The following FBXO31 variants were observed in gnomAD, a reference collection of about 807,000 sequenced individuals.
The protein encoded by FBXO31 is F-box protein 31, also known as F-box only protein 31.
A neutral mutation model predicts 54.4 loss-of-function variants in FBXO31; 24 were observed. The observed-to-expected ratio is 0.44, with a 90% CI of 0.32 to 0.62. FBXO31 has a LOEUF of 0.62. Ranked by LOEUF, FBXO31 falls within the 20% of genes least tolerant of loss-of-function variation. The pLI is 0.05. For missense variants in FBXO31, 665 were observed against 787.1 expected (o/e 0.84, Z 1.86); for synonymous variants, 388 against 335.6 (o/e 1.16, Z -1.71).
intron 2 of FBXO31, among the ~76,000 whole-genome samples, chr16:87,353,155 G>A (rs1597368643): frequency 6.6e-6 from 1 of 152,148 alleles, no homozygotes; most frequent in Admixed American, 6.5e-5. Flanking sequence ...TCCAGCTTCC[G>A]AGGCTGCTGC....
intron 5 of FBXO31, 109 bp downstream of exon 5, chr16:87,342,768 C>T (rs1905232625): frequency 1.2e-6 from 1 of 850,634 alleles, no homozygotes; most frequent in Non-Finnish European, 1.8e-6. Context: ...GAAACAGCCA[C>T]CATGCAGGTC....
intron 1 of FBXO31, among the ~76,000 whole-genome samples, chr16:87,366,426 G>A (rs909324534): frequency 2.0e-5 from 3 of 152,172 alleles, no homozygotes; most frequent in African/African-American, 7.2e-5. Context: ...CGGCTGTGGT[G>A]GCAAGGGCCC....
chr16:87,346,447 T>G lies in FBXO31; in HGVS notation c.489+727A>C, dbSNP rs1381693716. Among the ~76,000 whole-genome samples the G allele has an allele frequency of 6.6e-6, 1 of 152,122 alleles. No homozygotes were observed. Among genetic ancestry groups the G allele is most frequent in the Non-Finnish European group, 1.5e-5 (1 of 68,012 alleles). On this transcript the variant is annotated intron_variant, in intron 3 of 8. Coordinates refer to ENST00000311635, the MANE Select transcript of FBXO31 (RefSeq NM_024735.5). The surrounding 1 kb of genome is among the most constrained non-coding windows in gnomAD (Gnocchi z 4.2). Reference sequence around the variant, plus strand: ...GGAAAACTTCACCGAAAAACGGGAATTTAATAAAAAAGAAAGCCAGACTTC... The same window carrying G: ...GGAAAACTTCACCGAAAAACGGGAAGTTAATAAAAAAGAAAGCCAGACTTC...
chr16:87,336,530 G>T lies in FBXO31; in HGVS notation c.733-266C>A, dbSNP rs1004596165. Among the ~76,000 whole-genome samples, 1 of 152,206 alleles carries T rather than the reference G, an allele frequency of 6.6e-6. No individual in the cohort carries two copies. The highest frequency in any genetic ancestry group is 2.4e-5 in the African/African-American group (1 of 41,460). On this transcript the variant is annotated intron_variant, in intron 5 of 8. Transcript: ENST00000311635. This position sits in a 1 kb window ranked among gnomAD's most constrained non-coding sequence, Gnocchi z 6.5. The stretch of plus-strand genomic sequence containing the variant: ...GGTCGGAGGCAGCAGGGGCTACAGG[G>T]AGCCCAGGTGAGGCGGGGGCCACAG...
At position 87,346,201 on chromosome 16, in the gene FBXO31, C is replaced by T. The variant is rs892009593; in HGVS notation, c.489+973G>A. 5.9e-5 allele frequency among the ~76,000 whole-genome samples: 9 copies of T among 152,094 alleles called. No homozygotes were observed. Among genetic ancestry groups the T allele is most frequent in the African/African-American group, 1.9e-4 (8 of 41,416 alleles). On this transcript the variant is annotated intron_variant, in intron 3 of 8. Coordinates refer to ENST00000311635, the MANE Select transcript of FBXO31 (RefSeq NM_024735.5). The surrounding 1 kb of genome is among the most constrained non-coding windows in gnomAD (Gnocchi z 4.2). Reference sequence around the variant, plus strand: ...GACGCTTCCCCAAGCCTGAGACGCGCGCATACCCCGGGCCTGCGCAGAGCA... The same window carrying T: ...GACGCTTCCCCAAGCCTGAGACGCGTGCATACCCCGGGCCTGCGCAGAGCA...
At chr16:87,389,741 T>C (rs1045538123) in exon 1 of FBXO31, 2 of 151,880 alleles carry the variant, frequency 1.3e-5, no homozygotes, top group African/African-American at 4.8e-5. Flanking sequence ...GCTTACCGGA[T>C]TTTTTTTTCT....
chr16:87,387,909 T>A (rs1323127988), upstream of FBXO31, among the ~76,000 whole-genome samples: 1 of 152,134 alleles, frequency 6.6e-6, no homozygotes, highest in Non-Finnish European at 1.5e-5. Context: ...TCAAAAGAAC[T>A]AGTCACACTA....
At position 87,329,728 on chromosome 16, in the gene FBXO31, C is replaced by T. The variant is rs951310423; in HGVS notation, c.*1560G>A. On this transcript the variant is annotated 3_prime_UTR_variant, in exon 9 of 9. Transcript: ENST00000311635. ...TCCCGCTGCTGCCGCCCTGGAAGGG[C>T]GCTTTCTCCACTGGCTTTTCTCGTG... 1.3e-5 allele frequency: 2 copies of T among 152,254 alleles called. No homozygotes were observed. The highest frequency in any genetic ancestry group is 2.4e-5 in the African/African-American group (1 of 41,476). The allele number at this position is 152,254 out of a possible 1,614,324, so 9.4% of individuals were successfully genotyped here.
rs576327332 is a variant in FBXO31 at position 87,358,272 on chromosome 16, G to T, written c.412+2023C>A. 1.3e-5 allele frequency: 2 copies of T among 152,436 alleles called. No individual in the cohort carries two copies. The highest frequency in any genetic ancestry group is 4.8e-5 in the African/African-American group (2 of 41,436). 9.4% of individuals were successfully genotyped at this position (152,436 alleles called of 1,614,324 possible). On this transcript the variant is annotated intron_variant, in intron 2 of 8. Coordinates refer to ENST00000311635, the MANE Select transcript of FBXO31 (RefSeq NM_024735.5). This position sits in a 1 kb window ranked among gnomAD's most constrained non-coding sequence, Gnocchi z 4.0. ...CAGAGCCACGCTGCAGCAAGTGAAC[G>T]TGAAAGGATGACAAAAAGCCACGAG...
chr16:87,342,985 T>A, intron 4 of FBXO31, 34 bp from the exon 5 acceptor site: 1 of 1,568,116 alleles, frequency 6.4e-7, no homozygotes, highest in South Asian at 1.2e-5. Flanking sequence ...AAGAGAAGAG[T>A]GAGGAACAGA....
intron 1 of FBXO31, among the ~76,000 whole-genome samples, chr16:87,373,588 G>A (rs747684811): frequency 3.3e-5 from 5 of 150,466 alleles, no homozygotes; most frequent in African/African-American, 4.9e-5. Context: ...GGAGTGCAGC[G>A]GTATGAACAA....
Position 87,336,226 on chromosome 16 carries a change from C to A in FBXO31, c.771G>T (p.Thr257=). The A allele has an allele frequency of 1.2e-6, 2 of 1,614,188 alleles. No individual in the cohort carries two copies. Among genetic ancestry groups the A allele is most frequent in the Non-Finnish European group, 1.7e-6 (2 of 1,180,030 alleles). The change falls in exon 6 of 9, where the codon ACG becomes ACT. Residue 257 remains threonine (T), a synonymous_variant. Transcript: ENST00000311635. The surrounding 1 kb of genome is among the most constrained non-coding windows in gnomAD (Gnocchi z 6.5). ...RTWLREEWGR[T]LEDIFHEHMQ... is the part of the protein sequence containing the mutation. ...TGTGCTCGTGGAAGATGTCCTCCAGCGTGCGCCCCCATTCCTCCCTCAGCC... is the reference window on the plus strand; with the variant it reads ...TGTGCTCGTGGAAGATGTCCTCCAGAGTGCGCCCCCATTCCTCCCTCAGCC...
At chr16:87,344,374 C>T (rs962399952) in intron 3 of FBXO31, among the ~76,000 whole-genome samples, 6 of 152,254 alleles carry the variant, frequency 3.9e-5, no homozygotes, top group African/African-American at 1.4e-4. Context: ...CCCGTGCGAT[C>T]TCGCGTGTCC....
chr16:87,348,645 C>A (rs1905504455), intron 2 of FBXO31, among the ~76,000 whole-genome samples: 1 of 152,188 alleles, frequency 6.6e-6, no homozygotes, highest in Admixed American at 6.5e-5. Flanking sequence ...CCGGCCCAGG[C>A]TGTTACAGCC....
intron 1 of FBXO31, among the ~76,000 whole-genome samples, chr16:87,366,908 G>C (rs1265918614): frequency 6.6e-6 from 1 of 152,160 alleles, no homozygotes; most frequent in Non-Finnish European, 1.5e-5. Context: ...ACGGGCGCAA[G>C]GGCTCACACT....
chr16:87,355,864 C>G (rs577783500), intron 2 of FBXO31, among the ~76,000 whole-genome samples: 12 of 152,328 alleles, frequency 7.9e-5, no homozygotes, highest in African/African-American at 2.4e-4. Context: ...ACTCGCTAGG[C>G]CCCAGCTGCG....
Position 87,347,167 on chromosome 16 carries a change from G to C in FBXO31, c.489+7C>G. On this transcript the variant is annotated splice_region_variant and intron_variant, in intron 3 of 8. Coordinates refer to ENST00000311635, the MANE Select transcript of FBXO31 (RefSeq NM_024735.5). ...CACAGACCTCGTCGCGAGGCTCCGG[G>C]ACTTACCACCACGTTCAGCAGTCCT... The C allele has an allele frequency of 1.2e-6, 2 of 1,613,770 alleles. No individual in the cohort carries two copies. The highest frequency in any genetic ancestry group is 1.7e-6 in the Non-Finnish European group (2 of 1,179,796).
At chr16:87,391,062 G>A (rs1473585193), upstream of FBXO31, among the ~76,000 whole-genome samples, 1 of 152,176 alleles carries the variant, frequency 6.6e-6, no homozygotes, top group Admixed American at 6.6e-5. Context: ...AACAAAAACA[G>A]CCAAATAGCC....
At chr16:87,364,893 A>C (rs559326023) in intron 1 of FBXO31, among the ~76,000 whole-genome samples, 1 of 150,054 alleles carries the variant, frequency 6.7e-6, no homozygotes, top group East Asian at 2.0e-4. Context: ...ATGGTGGCAC[A>C]CTACTCAGGA....
Sources: allele counts gnomAD v4.1 joint callset (sites outside exome capture counted in the v4.1 genomes callset), GRCh38; gene constraint gnomAD v4.1.1; non-coding constraint Gnocchi (gnomAD v3.1); transcripts MANE v1.5; gene names NCBI Gene and HGNC (gene_info 2026-07-23, HGNC 2026-07-21).